CNTLN: variants seen among roughly 807,000 people sequenced by gnomAD.
CNTLN encodes the protein centlein.
A neutral mutation model predicts 180.0 loss-of-function variants in CNTLN; 212 were observed. The observed-to-expected ratio is 1.18, with a 90% CI of 1.05 to 1.32. The LOEUF is 1.32. Ranked by LOEUF, CNTLN falls within the 40% of genes most tolerant of loss-of-function variation. CNTLN has a pLI of 0.00. For synonymous variants in CNTLN, 722 were observed against 563.1 expected (o/e 1.28, Z -3.99); for missense variants, 2,095 against 1,610.9 (o/e 1.30, Z -5.14).
intron 13 of CNTLN, among the ~76,000 whole-genome samples, chr9:17,385,981 G>A (rs1825656437): frequency 6.6e-6 from 1 of 152,074 alleles, no homozygotes; most frequent in African/African-American, 2.4e-5. Context: ...TCCTAAAAGT[G>A]AAATAAAAAT....
At chr9:17,281,689 A>T (rs1828674784) in intron 6 of CNTLN, among the ~76,000 whole-genome samples, 1 of 152,024 alleles carries the variant, frequency 6.6e-6, no homozygotes, top group Admixed American at 6.6e-5. Flanking sequence ...TCTATCTTTG[A>T]TGGGCATTTG....
At chr9:17,470,027 T>C (rs1437323862) in intron 23 of CNTLN, among the ~76,000 whole-genome samples, 1 of 151,928 alleles carries the variant, frequency 6.6e-6, no homozygotes, top group Admixed American at 6.6e-5. Flanking sequence ...GTAATAGCAG[T>C]AGTAGTATGG....
chr9:17,362,098 G>C (rs1422124326), intron 12 of CNTLN, among the ~76,000 whole-genome samples: 1 of 152,194 alleles, frequency 6.6e-6, no homozygotes, highest in Non-Finnish European at 1.5e-5. Context: ...AGTAGGGACT[G>C]TGTGTGTTCT....
At chr9:17,429,304 G>A (rs1829272814) in intron 18 of CNTLN, among the ~76,000 whole-genome samples, 2 of 151,974 alleles carry the variant, frequency 1.3e-5, no homozygotes, top group South Asian at 4.1e-4. Context: ...TATAACAGAA[G>A]TTCCCCGTGA....
chr9:17,193,141 G>A (rs1181451569), intron 2 of CNTLN, among the ~76,000 whole-genome samples: 3 of 152,032 alleles, frequency 2.0e-5, no homozygotes, highest in Admixed American at 6.5e-5. Context: ...TGGGAATTAT[G>A]GGAGTACAAT....
intron 2 of CNTLN, among the ~76,000 whole-genome samples, chr9:17,197,085 G>A (rs1390323309): frequency 6.6e-6 from 1 of 151,996 alleles, no homozygotes; most frequent in Non-Finnish European, 1.5e-5. Context: ...AAATATGTGA[G>A]CAAATTACTT....
At chr9:17,295,628 C>A (rs1817840408) in intron 6 of CNTLN, among the ~76,000 whole-genome samples, 1 of 152,092 alleles carries the variant, frequency 6.6e-6, no homozygotes, top group South Asian at 2.1e-4. Context: ...TTCTAGTCGG[C>A]CATCTTGGCC....
chr9:17,434,480 G>T (rs1397318226), intron 18 of CNTLN, among the ~76,000 whole-genome samples: 1 of 151,776 alleles, frequency 6.6e-6, no homozygotes, highest in Non-Finnish European at 1.5e-5. Flanking sequence ...TCTTTGACTT[G>T]TGTATTATTT....
intron 8 of CNTLN, among the ~76,000 whole-genome samples, chr9:17,313,099 C>T (rs904038110): frequency 3.3e-5 from 5 of 152,114 alleles, no homozygotes; most frequent in African/African-American, 1.2e-4. Context: ...ATTTTGTTGG[C>T]TTGAAATGTA....
intron 23 of CNTLN, among the ~76,000 whole-genome samples, chr9:17,473,716 C>A (rs1246947423): frequency 6.6e-6 from 1 of 152,064 alleles, no homozygotes; most frequent in Non-Finnish European, 1.5e-5. Context: ...TATTCTCTAC[C>A]CACTTTCTTA....
chr9:17,361,575 T>G (rs1208278536), intron 12 of CNTLN, among the ~76,000 whole-genome samples: 1 of 152,244 alleles, frequency 6.6e-6, no homozygotes, highest in African/African-American at 2.4e-5. Flanking sequence ...GGAATTCTTA[T>G]GCAGATTTCT....
At chr9:17,509,287 T>A in the CNTLN span, among the ~76,000 whole-genome samples, 1 of 152,190 alleles carries the variant, frequency 6.6e-6, no homozygotes, top group East Asian at 1.9e-4. Flanking sequence ...CCTGGTGGCA[T>A]GTTGATTACA....
chr9:17,415,825 T>C lies in CNTLN; in HGVS notation c.2834T>C (p.Phe945Ser). The C allele has an allele frequency of 6.2e-7, 1 of 1,612,660 alleles. No individual in the cohort carries two copies. Among genetic ancestry groups the C allele is most frequent in the South Asian group, 1.1e-5 (1 of 90,822 alleles). ...GATAAGAATGCCAAAAAACCAACTT[T>C]TCAAAAGAAGAATTGCAAGATGCAA... Reference protein sequence around the residue: ...FHDKNAKKPTFQKKNCKMQKS... With the variant: ...FHDKNAKKPTSQKKNCKMQKS... The change falls in exon 17 of 26, where the codon TTT becomes TCT. Residue 945 changes from phenylalanine (F) to serine (S), a missense_variant. Physicochemically the swap from Phe to Ser is radical, Grantham distance 155. Coordinates refer to ENST00000380647, the MANE Select transcript of CNTLN (RefSeq NM_017738.4).
intron 7 of CNTLN, 54 bp downstream of exon 7, chr9:17,298,406 C>T (rs1818105336): frequency 7.2e-6 from 10 of 1,393,088 alleles, no homozygotes; most frequent in South Asian, 1.9e-5. Context: ...AACTTATGAA[C>T]ATATATAGAA....
chr9:17,263,075 G>T (rs1267914559), intron 5 of CNTLN, among the ~76,000 whole-genome samples: 1 of 150,726 alleles, frequency 6.6e-6, no homozygotes, highest in East Asian at 2.0e-4. Context: ...AAGTTTTAGG[G>T]TACATGTGCA....
chr9:17,459,896 AG>A (rs775856215), intron 19 of CNTLN, among the ~76,000 whole-genome samples: 1 of 151,714 alleles, frequency 6.6e-6, no homozygotes, highest in African/African-American at 2.4e-5. Context: ...TAAAGTACTG[AG>A]GGTTCGGTGA....
chr9:17,405,266 T>C (rs1827290435), intron 15 of CNTLN, among the ~76,000 whole-genome samples: 1 of 151,736 alleles, frequency 6.6e-6, no homozygotes, highest in South Asian at 2.1e-4. Flanking sequence ...TTTTAAGAGC[T>C]TCAGTCATTG....
At chr9:17,418,236 G>A (rs918192125) in intron 18 of CNTLN, among the ~76,000 whole-genome samples, 4 of 151,798 alleles carry the variant, frequency 2.6e-5, no homozygotes, top group East Asian at 1.9e-4. Flanking sequence ...CTCAAAAATC[G>A]CTATGAACTC....
the CNTLN span, among the ~76,000 whole-genome samples, chr9:17,519,747 C>A: frequency 1.6e-4 from 25 of 152,174 alleles, no homozygotes; most frequent in Non-Finnish European, 3.4e-4. Context: ...TTTAGCACAT[C>A]CACTCCTTAA....
Sources: allele counts gnomAD v4.1 joint callset (sites outside exome capture counted in the v4.1 genomes callset), GRCh38; gene constraint gnomAD v4.1.1; transcripts MANE v1.5; gene names NCBI Gene and HGNC (gene_info 2026-07-23, HGNC 2026-07-21).